Variants in ACYP1 observed in about 807,000 individuals in gnomAD.
The protein encoded by ACYP1 is acylphosphatase 1.
A neutral mutation model predicts 10.4 loss-of-function variants in ACYP1; 8 were observed. The ratio of observed to expected loss-of-function variants is 0.77; its 90% CI spans 0.45 to 1.38. The LOEUF (loss-of-function observed/expected upper bound fraction) is 1.38. Among genes scored for constraint, ACYP1 ranks in the 40% most tolerant of loss-of-function variants. The probability of loss-of-function intolerance (pLI) is 0.00; values close to 1 mark genes in which losing one functional copy is unlikely to be tolerated. For synonymous variants in ACYP1, 38 were observed against 40.8 expected, an observed-to-expected ratio of 0.93 and a Z score of 0.26; for missense variants, 93 against 117.3, an observed-to-expected ratio of 0.79 and a Z score of 0.96.
chr14:75,057,987 A>AAAAAAAAAAC (rs1304812247), intron 2 of ACYP1, among the ~76,000 whole-genome samples: 1 of 147,580 alleles, frequency 6.8e-6, no homozygotes, highest in Non-Finnish European at 1.5e-5. Flanking sequence ...AAAAAAAAAA[A>AAAAAAAAAAC]AGAACTACCT....
intron 1 of ACYP1, 82 bp from the exon 2 acceptor site, chr14:75,063,643 C>T: frequency 8.8e-7 from 1 of 1,132,216 alleles, no homozygotes; most frequent in Non-Finnish European, 1.3e-6. Flanking sequence ...GCCACACCCA[C>T]CCCTGTCCAT....
chr14:75,059,137 G>C (rs1313169022), intron 2 of ACYP1, among the ~76,000 whole-genome samples: 2 of 130,118 alleles, frequency 1.5e-5, no homozygotes, highest in Non-Finnish European at 3.1e-5. Context: ...AGTGAGCCGA[G>C]ATCGAGATCG....
At chr14:75,063,771 A>T (rs921814058) in intron 1 of ACYP1, among the ~76,000 whole-genome samples, 183 bp downstream of exon 1, 3 of 152,272 alleles carry the variant, frequency 2.0e-5, no homozygotes, top group Admixed American at 2.0e-4. Context: ...TTCGGATCGC[A>T]GCTGCCCGCT....
In ACYP1 at chr14:75,056,922, T is replaced by C. The variant is rs1393947599; in HGVS notation, c.85-3263A>G. Reference sequence around the variant, plus strand: ...CCACTGCTAACATCATACTTAATGGTGAAAGATTAAAAACGTTCCCACGAA... The same window carrying C: ...CCACTGCTAACATCATACTTAATGGCGAAAGATTAAAAACGTTCCCACGAA... On this transcript the variant is annotated intron_variant, in intron 2 of 2. Transcript: ENST00000238618. Among the ~76,000 whole-genome samples the C allele has an allele frequency of 2.0e-5, 3 of 151,508 alleles. 1 individual carries two copies. Among genetic ancestry groups the C allele is most frequent in the African/African-American group, 7.3e-5 (3 of 40,926 alleles).
chr14:75,060,649 G>A (rs1241932451), intron 2 of ACYP1, among the ~76,000 whole-genome samples: 1 of 152,084 alleles, frequency 6.6e-6, no homozygotes, highest in African/African-American at 2.4e-5. Context: ...ATATTATTCA[G>A]CCATAAAAAG....
Position 75,053,369 on chromosome 14 carries a change from A to G in ACYP1, c.*75T>C. The G allele has an allele frequency of 2.3e-6, 3 of 1,324,968 alleles. No homozygotes were observed. Among genetic ancestry groups the G allele is most frequent in the Non-Finnish European group, 3.2e-6 (3 of 927,848 alleles). 82.1% of individuals were successfully genotyped at this position (1,324,968 alleles called of 1,614,324 possible). On this transcript the variant is annotated 3_prime_UTR_variant, in exon 3 of 3. Coordinates refer to ENST00000238618, the MANE Select transcript of ACYP1 (RefSeq NM_001107.5). ...CTTATTGACTAATGCTAATATTAAC[A>G]CACAATAGTTCTATCTCTATTAATA...
At chr14:75,064,035 G>C (rs1410067817), upstream of ACYP1, 21 of 987,986 alleles carry the variant, frequency 2.1e-5, no homozygotes, top group Non-Finnish European at 2.5e-5. Context: ...AAACCTCCGC[G>C]CCCGGAAGTT....
intron 1 of ACYP1, 22 bp from the exon 2 acceptor site, chr14:75,063,583 GA>G: frequency 2.5e-6 from 4 of 1,592,902 alleles, no homozygotes; most frequent in Non-Finnish European, 3.4e-6. Context: ...CAGGAAAGCA[GA>G]AGAGTGAAGG....
At chr14:75,053,730 C>CA (rs745748876) in intron 2 of ACYP1, 71 bp from the exon 3 acceptor site, 148 of 1,445,518 alleles carry the variant, frequency 1.0e-4, no homozygotes, top group Non-Finnish European at 1.3e-4. Flanking sequence ...AATCTGTTGC[C>CA]AGAATCTTGG....
chr14:75,058,579 T>A (rs1244728687), intron 2 of ACYP1, among the ~76,000 whole-genome samples: 1 of 151,024 alleles, frequency 6.6e-6, no homozygotes, highest in Non-Finnish European at 1.5e-5. Flanking sequence ...CTCAAACATC[T>A]CCCATTATGT....
chr14:75,062,792 C>CCATAA (rs1380898163), intron 2 of ACYP1, among the ~76,000 whole-genome samples: 1 of 152,066 alleles, frequency 6.6e-6, no homozygotes, highest in East Asian at 1.9e-4. Flanking sequence ...TTGTGTGTGC[C>CCATAA]TGTTGAGGGA....
chr14:75,053,610 C>CG lies in ACYP1; in HGVS notation c.133dup (p.Arg45ProfsTer23). On this transcript the variant is annotated frameshift_variant, in exon 3 of 3. Coordinates refer to ENST00000238618, the MANE Select transcript of ACYP1 (RefSeq NM_001107.5). LOFTEE classifies it high-confidence loss of function. Reference sequence around the variant, plus strand: ...TTGCAATTGTCCTTGCACTGTGCCCCGGTCAGTGTTCTGGACCCAGCCTAC... The same window carrying CG: ...TTGCAATTGTCCTTGCACTGTGCCCCGGGTCAGTGTTCTGGACCCAGCCTAC... The CG allele has an allele frequency of 6.2e-7, 1 of 1,614,106 alleles. No homozygotes were observed. The highest frequency in any genetic ancestry group is 8.5e-7 in the Non-Finnish European group (1 of 1,180,028).
At chr14:75,060,716 G>A (rs1379906141) in intron 2 of ACYP1, among the ~76,000 whole-genome samples, 3 of 151,684 alleles carry the variant, frequency 2.0e-5, no homozygotes, top group East Asian at 1.9e-4. Context: ...AATATGTTAA[G>A]TGAAAGGAGC....
upstream of ACYP1, among the ~76,000 whole-genome samples, chr14:75,066,390 G>A (rs1288381604): frequency 6.6e-6 from 1 of 151,964 alleles, no homozygotes; most frequent in Non-Finnish European, 1.5e-5. Flanking sequence ...AGCTGGGGGG[G>A]GGTGGAGAAA....
intron 2 of ACYP1, among the ~76,000 whole-genome samples, chr14:75,062,270 A>G (rs1195854842): frequency 2.3e-5 from 3 of 132,748 alleles, no homozygotes; most frequent in East Asian, 2.0e-4. Flanking sequence ...GTTAAAAGAG[A>G]AAAAAAAAAA....
upstream of ACYP1, among the ~76,000 whole-genome samples, chr14:75,065,257 G>C (rs1451093450): frequency 6.6e-6 from 1 of 152,148 alleles, no homozygotes; most frequent in Non-Finnish European, 1.5e-5. Context: ...TCTTCATAAC[G>C]TAAAGACTCC....
rs754499252 is a variant in ACYP1, at chr14:75,063,539, G to A, written c.15C>T (p.Asn5=). ...TTTCATAATCCACTGATATCAGGGT[G>A]TTTCCTTCTGCCATGCTCAAACCTG... The part of the protein sequence containing the change: MAEG[N]TLISVDYEIF... The change falls in exon 2 of 3, where the codon AAC becomes AAT. Residue 5 remains asparagine, a synonymous_variant. Transcript: ENST00000238618. 6 of 1,613,498 alleles carry A rather than the reference G, an allele frequency of 3.7e-6. No individual in the cohort carries two copies. In the Admixed American group the frequency reaches 6.7e-5, roughly 18 times the overall value.
At chr14:75,055,329 C>T (rs1055292818) in intron 2 of ACYP1, among the ~76,000 whole-genome samples, 64 of 151,066 alleles carry the variant, frequency 4.2e-4, no homozygotes, top group African/African-American at 3.9e-4. Context: ...CCTCATGATC[C>T]GCCTGCCTCG....
upstream of ACYP1, among the ~76,000 whole-genome samples, chr14:75,068,736 G>T (rs954914974): frequency 6.6e-6 from 1 of 151,982 alleles, no homozygotes; most frequent in Admixed American, 6.6e-5. Context: ...AGACTGATCT[G>T]GAGGGTCCAC....
Sources: gnomAD v4.1 joint callset for allele counts (sites outside exome capture counted in the v4.1 genomes callset) on GRCh38, gnomAD v4.1.1 for gene constraint, MANE v1.5 for transcripts, NCBI Gene and HGNC (gene_info 2026-07-23, HGNC 2026-07-21) for gene names.